The following CCNB1IP1 variants were observed in gnomAD, a reference collection of about 807,000 sequenced individuals.
CCNB1IP1 encodes cyclin B1 interacting protein 1, also known as E3 ubiquitin-protein ligase CCNB1IP1.
CCNB1IP1 carries 14 observed loss-of-function variants against 25.6 expected under a neutral mutation model. That is an observed-to-expected ratio of 0.55 (90% CI 0.36 to 0.85). CCNB1IP1 has a LOEUF of 0.85. Among genes scored for constraint, CCNB1IP1 ranks in the 40% least tolerant of loss-of-function variants. The probability of loss-of-function intolerance (pLI) is 0.01; values close to 1 mark genes in which losing one functional copy is unlikely to be tolerated. For synonymous variants in CCNB1IP1, 119 were observed against 116.1 expected, an observed-to-expected ratio of 1.02 and a Z score of -0.16; for missense variants, 278 against 342.4, an observed-to-expected ratio of 0.81 and a Z score of 1.48.
intron 4 of CCNB1IP1, among the ~76,000 whole-genome samples, chr14:20,324,163 G>C (rs1276888038): frequency 6.6e-6 from 1 of 152,092 alleles, no homozygotes; most frequent in African/African-American, 2.4e-5. Flanking sequence ...TTAACAGAAA[G>C]ATATATGAGC....
rs775550471 is a variant in CCNB1IP1, at chr14:20,311,506, C to T, written c.*44G>A. The T allele has an allele frequency of 2.6e-6, 4 of 1,547,520 alleles. No individual in the cohort carries two copies. In the East Asian group the frequency reaches 6.7e-5, roughly 26 times the overall value. The stretch of plus-strand genomic sequence containing the variant: ...CTCAAGTGATCCTCCCAGCCTCAAC[C>T]TCCTAAGTAGCTGGGATCACAGGTG... On this transcript the variant is annotated 3_prime_UTR_variant, in exon 7 of 7. Coordinates refer to ENST00000358932, the MANE Select transcript of CCNB1IP1 (RefSeq NM_021178.5).
At chr14:20,314,964 G>C (rs1379405789) in intron 5 of CCNB1IP1, among the ~76,000 whole-genome samples, 1 of 149,878 alleles carries the variant, frequency 6.7e-6, no homozygotes, top group Non-Finnish European at 1.5e-5. Flanking sequence ...GGTGGCGGGC[G>C]CCTGTAGTCC....
chr14:20,319,329 G>C (rs1167658938), intron 4 of CCNB1IP1, among the ~76,000 whole-genome samples: 1 of 152,034 alleles, frequency 6.6e-6, no homozygotes, highest in Non-Finnish European at 1.5e-5. Flanking sequence ...TTTAATTTTG[G>C]TATAAACCAG....
intron 4 of CCNB1IP1, among the ~76,000 whole-genome samples, chr14:20,321,625 G>GT (rs1882899537): frequency 6.6e-6 from 1 of 151,978 alleles, no homozygotes; most frequent in South Asian, 2.1e-4. Context: ...AATTTTTTTT[G>GT]TATTTTTAGT....
chr14:20,315,655 T>C, intron 5 of CCNB1IP1: 1 of 1,276,572 alleles, frequency 7.8e-7, no homozygotes, highest in Non-Finnish European at 1.0e-6. Flanking sequence ...AAGTTAAGGA[T>C]GCGTATTTGA....
At chr14:20,326,077 A>G (rs1035172981) in intron 3 of CCNB1IP1, among the ~76,000 whole-genome samples, 4 of 152,320 alleles carry the variant, frequency 2.6e-5, no homozygotes, top group East Asian at 1.9e-4. Flanking sequence ...AAGTGATTCT[A>G]TAGTGTTGTA....
At chr14:20,332,026 A>ATTTTTTTTTTTTTTTT (rs57345952) in intron 1 of CCNB1IP1, among the ~76,000 whole-genome samples, 2 of 40,742 alleles carry the variant, frequency 4.9e-5, no homozygotes, top group Non-Finnish European at 8.8e-5. Context: ...ATATATATAT[A>ATTTTTTTTTTTTTTTT]TTTTTTTTTT....
At chr14:20,319,603 A>G (rs999698730) in intron 4 of CCNB1IP1, among the ~76,000 whole-genome samples, 1 of 152,246 alleles carries the variant, frequency 6.6e-6, no homozygotes, top group African/African-American at 2.4e-5. Context: ...AATACTTAAC[A>G]TTAATTCATT....
chr14:20,311,778 T>C (rs1594272377), intron 6 of CCNB1IP1, 26 bp from the exon 7 acceptor site: 1 of 1,509,486 alleles, frequency 6.6e-7, no homozygotes, highest in South Asian at 1.1e-5. Flanking sequence ...AGGAAAAACA[T>C]AATTTTATTC....
chr14:20,312,154 A>G (rs778377338), intron 6 of CCNB1IP1, among the ~76,000 whole-genome samples: 3 of 152,228 alleles, frequency 2.0e-5, no homozygotes, highest in Non-Finnish European at 4.4e-5. Flanking sequence ...AGCAGGACAT[A>G]AAAAGGTTAA....
chr14:20,317,863 A>C (rs1882762722), intron 4 of CCNB1IP1: 1 of 152,276 alleles, frequency 6.6e-6, no homozygotes, highest in South Asian at 2.1e-4. Flanking sequence ...AGATTCCAGG[A>C]TTCTCTGCGA....
intron 4 of CCNB1IP1, among the ~76,000 whole-genome samples, chr14:20,321,673 G>A (rs757739678): frequency 6.6e-6 from 1 of 152,246 alleles, no homozygotes; most frequent in South Asian, 2.1e-4. Context: ...GGCTGGTCTT[G>A]AACTCCTAGA....
intron 4 of CCNB1IP1, among the ~76,000 whole-genome samples, chr14:20,325,265 C>CAAA (rs531092028): frequency 6.6e-6 from 1 of 150,960 alleles, no homozygotes; most frequent in Non-Finnish European, 1.5e-5. Context: ...ACTAAAAATA[C>CAAA]AAAAAATTAG....
At chr14:20,313,397 T>C (rs910916194) in intron 6 of CCNB1IP1, 71 bp downstream of exon 6, 211 of 1,227,232 alleles carry the variant, frequency 1.7e-4, no homozygotes, top group Non-Finnish European at 2.2e-4. Context: ...ACTGAATGCT[T>C]GGAAGTGGGC....
chr14:20,327,716 G>C (rs1736205769), intron 2 of CCNB1IP1, among the ~76,000 whole-genome samples: 1 of 151,924 alleles, frequency 6.6e-6, no homozygotes, highest in Non-Finnish European at 1.5e-5. Context: ...CAGCAGTGTG[G>C]AGATTTAAAA....
rs371403814 is a variant in CCNB1IP1 at position 20,313,566 on chromosome 14, T to C, written c.533A>G (p.Tyr178Cys). The C allele has an allele frequency of 3.2e-5, 51 of 1,614,112 alleles. No homozygotes were observed. The highest frequency in any genetic ancestry group is 3.7e-5 in the Non-Finnish European group (44 of 1,180,042). Reference sequence around the variant, plus strand: ...GATGTTTCGTAGCCTAAGGCTATCATAGAGGCCTTGGAGCTTTTGATACTG... The same window carrying C: ...GATGTTTCGTAGCCTAAGGCTATCACAGAGGCCTTGGAGCTTTTGATACTG... ...NRQYQKLQGL[Y>C]DSLRLRNITI... Residue 178 changes from tyrosine to cysteine, a missense_variant, in exon 6 of 7, where the codon TAT (tyrosine) becomes TGT (cysteine). Transcript: ENST00000358932.
At chr14:20,317,536 ATT>A (rs1882748658) in intron 4 of CCNB1IP1, 1 of 152,264 alleles carries the variant, frequency 6.6e-6, no homozygotes, top group Non-Finnish European at 1.5e-5. Context: ...TAAGAGGCCT[ATT>A]TTACATCCGG....
intron 4 of CCNB1IP1, among the ~76,000 whole-genome samples, chr14:20,324,906 C>A (rs528948994): frequency 6.6e-6 from 1 of 152,128 alleles, no homozygotes; most frequent in African/African-American, 2.4e-5. Flanking sequence ...CTAAAACTTC[C>A]ACCTCCTGGG....
Position 20,326,720 on chromosome 14 carries a change from G to A in CCNB1IP1, c.-157C>T. The A allele has an allele frequency of 6.6e-6, 2 of 302,226 alleles. No homozygotes were observed. Among genetic ancestry groups the A allele is most frequent in the South Asian group, 5.4e-5 (2 of 37,358 alleles). The allele number at this position is 302,226 out of a possible 1,614,324, so 18.7% of individuals were successfully genotyped here. ...AGATTTTGCTCTTACTCTTACCTCTGGCATCACATGAATCCAGCTTCTATC... is the reference window on the plus strand; with the variant it reads ...AGATTTTGCTCTTACTCTTACCTCTAGCATCACATGAATCCAGCTTCTATC... On this transcript the variant is annotated 5_prime_UTR_variant, in exon 3 of 7. Coordinates refer to ENST00000358932, the MANE Select transcript of CCNB1IP1 (RefSeq NM_021178.5).
Sources: allele counts gnomAD v4.1 joint callset (sites outside exome capture counted in the v4.1 genomes callset), GRCh38; gene constraint gnomAD v4.1.1; transcripts MANE v1.5; gene names NCBI Gene and HGNC (gene_info 2026-07-23, HGNC 2026-07-21).